Variants in DAB1 observed in about 807,000 individuals in gnomAD.
DAB1 encodes DAB adaptor protein 1.
A neutral mutation model predicts 64.6 loss-of-function variants in DAB1; 15 were observed. That is an observed-to-expected ratio of 0.23 (90% CI 0.16 to 0.36). DAB1 has a LOEUF of 0.36. DAB1 is among the 10% of genes least tolerant of loss of function. The pLI is 1.00. For missense variants in DAB1, 596 were observed against 706.7 expected, an observed-to-expected ratio of 0.84 and a Z score of 1.78; for synonymous variants, 235 against 251.9, an observed-to-expected ratio of 0.93 and a Z score of 0.64.
intron 4 of DAB1, among the ~76,000 whole-genome samples, chr1:57,105,628 T>C (rs950684418): frequency 3.3e-5 from 5 of 152,190 alleles, no homozygotes; most frequent in Non-Finnish European, 5.9e-5. Context: ...CTTCTTCTCA[T>C]TTTCATGTAA....
At chr1:57,836,795 C>T (rs967619180) in intron 1 of DAB1, among the ~76,000 whole-genome samples, 1 of 152,158 alleles carries the variant, frequency 6.6e-6, no homozygotes, top group Non-Finnish European at 1.5e-5. Context: ...TCCTGACACC[C>T]TTCCTATCTC....
intron 2 of DAB1, among the ~76,000 whole-genome samples, chr1:57,213,644 G>A (rs1313139059): frequency 1.3e-5 from 2 of 152,206 alleles, no homozygotes; most frequent in Non-Finnish European, 2.9e-5. Flanking sequence ...GAATTAAGGA[G>A]AGGAAGAAGA....
intron 6 of DAB1, among the ~76,000 whole-genome samples, chr1:57,738,624 T>C (rs72664613): frequency 0.046 from 6,982 of 152,288 alleles, 243 homozygotes; most frequent in Non-Finnish European, 0.068. Context: ...TCCTGTACTG[T>C]TAGTGCACAC....
rs140424618 is a variant in DAB1 at position 58,306,458 on chromosome 1, C to T, written n.309+36894G>A. The stretch of plus-strand genomic sequence containing the variant: ...TTTGAGTTGGTAGACAAATGCTGTC[C>T]AATTCCTGCGCTGTTTCCCCTCAGC... On this transcript the variant is annotated intron_variant and non_coding_transcript_variant, in intron 4 of 20. Coordinates refer to the DAB1 transcript ENST00000485760. 2.0e-5 allele frequency among the ~76,000 whole-genome samples: 3 copies of T among 152,222 alleles called. No individual in the cohort carries two copies. The East Asian group carries it at 5.8e-4, about 29-fold the overall frequency.
At chr1:57,636,120 C>CA (rs1164191555) in intron 7 of DAB1, among the ~76,000 whole-genome samples, 1 of 93,524 alleles carries the variant, frequency 1.1e-5, no homozygotes, top group African/African-American at 3.4e-5. Flanking sequence ...AAAACAAAAA[C>CA]AAAAAACTGG....
intron 4 of DAB1, among the ~76,000 whole-genome samples, chr1:57,097,627 C>T (rs929652189): frequency 3.9e-5 from 6 of 152,206 alleles, no homozygotes; most frequent in African/African-American, 1.2e-4. Context: ...AGCACTAATG[C>T]TTCTGTGTGC....
At position 57,048,913 on chromosome 1, in the gene DAB1, C is replaced by A. The variant is rs146852755; in HGVS notation, c.723+13971G>T. 7.2e-5 allele frequency among the ~76,000 whole-genome samples: 11 copies of A among 152,314 alleles called. No individual in the cohort carries two copies. In the East Asian group the frequency reaches 2.1e-3, roughly 29 times the overall value. The stretch of plus-strand genomic sequence containing the variant: ...GAGCAAACAAGACAGCAGGCAACTG[C>A]ATATGCGACCACTTATCCCTTTCCC... On this transcript the variant is annotated intron_variant, in intron 9 of 14. Transcript: ENST00000371236.
At chr1:58,361,422 T>A (rs534320970) in intron 3 of DAB1, among the ~76,000 whole-genome samples, 2 of 152,202 alleles carry the variant, frequency 1.3e-5, no homozygotes, top group African/African-American at 4.8e-5. Context: ...ATGACCCACA[T>A]GTTTGTCTGT....
At chr1:57,402,370 G>C (rs539543816) in intron 1 of DAB1, among the ~76,000 whole-genome samples, 1 of 152,298 alleles carries the variant, frequency 6.6e-6, no homozygotes, top group African/African-American at 2.4e-5. Flanking sequence ...TTTTCTACAT[G>C]GACTTTGCTG....
At chr1:57,179,393 G>A (rs572168122) in intron 2 of DAB1, among the ~76,000 whole-genome samples, 1 of 152,230 alleles carries the variant, frequency 6.6e-6, no homozygotes, top group Non-Finnish European at 1.5e-5. Flanking sequence ...AGCCATTAAT[G>A]ACTTCTAGAG....
intron 6 of DAB1, among the ~76,000 whole-genome samples, chr1:57,749,172 T>C (rs368166992): frequency 2.0e-5 from 3 of 152,186 alleles, no homozygotes; most frequent in East Asian, 1.9e-4. Context: ...GGGAATTATA[T>C]TGACAGTGTA....
chr1:58,546,114 T>G (rs1482660118), intron 1 of DAB1, among the ~76,000 whole-genome samples: 1 of 152,160 alleles, frequency 6.6e-6, no homozygotes, highest in Non-Finnish European at 1.5e-5. Flanking sequence ...ATACAGTGAG[T>G]TCTGTAGACG....
At chr1:58,284,315 T>A (rs1661633739) in intron 4 of DAB1, among the ~76,000 whole-genome samples, 1 of 152,246 alleles carries the variant, frequency 6.6e-6, no homozygotes, top group Admixed American at 6.5e-5. Flanking sequence ...TGGGCTCTGT[T>A]AACCCTTTCC....
intron 7 of DAB1, among the ~76,000 whole-genome samples, chr1:57,550,004 G>C (rs1192113366): frequency 6.6e-6 from 1 of 152,160 alleles, no homozygotes; most frequent in African/African-American, 2.4e-5. Context: ...GACATCAAAT[G>C]AGTTGTGTCC....
intron 5 of DAB1, among the ~76,000 whole-genome samples, chr1:57,932,468 ATT>A (rs61202343): frequency 6.3e-5 from 9 of 143,498 alleles, no homozygotes; most frequent in East Asian, 2.0e-4. Context: ...AGCCCAGCTA[ATT>A]TTTTTTTTTT....
In DAB1 at chr1:57,671,370, C is replaced by T. The variant is rs571191641; in HGVS notation, n.552-21705G>A. 3.3e-5 allele frequency among the ~76,000 whole-genome samples: 5 copies of T among 152,182 alleles called. No homozygotes were observed. The South Asian group carries it at 1.0e-3, about 32-fold the overall frequency. ...TGCAACCATTAAAAAATGGTCAAAT[C>T]TGCCTGCTAGATTTGATCTGCAGGC... On this transcript the variant is annotated intron_variant and non_coding_transcript_variant, in intron 6 of 20. Transcript: ENST00000485760.
chr1:57,126,506 T>G (rs1169205706), intron 4 of DAB1, among the ~76,000 whole-genome samples: 2 of 152,124 alleles, frequency 1.3e-5, no homozygotes, highest in Non-Finnish European at 2.9e-5. Context: ...ATACCTCTAT[T>G]TCCCAAAATT....
chr1:58,303,769 G>T (rs1300072283), intron 4 of DAB1, among the ~76,000 whole-genome samples: 1 of 152,180 alleles, frequency 6.6e-6, no homozygotes, highest in African/African-American at 2.4e-5. Context: ...CCACATTTTG[G>T]CTAATAATTT....
At chr1:58,216,060 T>C (rs1367044052) in intron 4 of DAB1, among the ~76,000 whole-genome samples, 2 of 152,220 alleles carry the variant, frequency 1.3e-5, no homozygotes, top group Non-Finnish European at 2.9e-5. Context: ...CTTTAAGTTC[T>C]GGGATACATA....
Sources: gnomAD v4.1 joint callset for allele counts (sites outside exome capture counted in the v4.1 genomes callset) on GRCh38, gnomAD v4.1.1 for gene constraint, MANE v1.5 for transcripts, NCBI Gene and HGNC (gene_info 2026-07-23, HGNC 2026-07-21) for gene names.